The following ZPLD1 variants were observed in gnomAD, a reference collection of about 807,000 sequenced individuals.
ZPLD1 encodes the protein zona pellucida like domain containing 1, also known as zona pellucida-like domain-containing protein 1.
Under a neutral mutation model 47.2 loss-of-function variants are expected in ZPLD1, and 34 were observed. The observed-to-expected ratio is 0.72, with a 90% CI of 0.55 to 0.96. The LOEUF (loss-of-function observed/expected upper bound fraction) is 0.96. Ranked by LOEUF, ZPLD1 falls within the 40% of genes least tolerant of loss-of-function variation. The pLI is 0.00. For missense variants in ZPLD1, 512 were observed against 505.8 expected (o/e 1.01, Z -0.12); for synonymous variants, 176 against 186.2 (o/e 0.95, Z 0.45).
chr3:102,439,196 A>G (rs948210900), intron 3 of ZPLD1, among the ~76,000 whole-genome samples: 3 of 152,232 alleles, frequency 2.0e-5, no homozygotes, highest in Non-Finnish European at 2.9e-5. Flanking sequence ...AGCTAAAGTA[A>G]TGGAACCACA....
chr3:102,432,114 T>A (rs1707022734), upstream of ZPLD1, among the ~76,000 whole-genome samples: 1 of 152,250 alleles, frequency 6.6e-6, no homozygotes, highest in Non-Finnish European at 1.5e-5. Flanking sequence ...CTTTGATCTC[T>A]GTTAAAATAC....
intron 6 of ZPLD1, among the ~76,000 whole-genome samples, chr3:102,391,091 A>G (rs1407857458): frequency 1.3e-5 from 2 of 152,106 alleles, no homozygotes; most frequent in Non-Finnish European, 2.9e-5. Context: ...TTCTTAACTC[A>G]TTTTATACAA....
At chr3:102,461,712 T>C (rs7626999) in intron 6 of ZPLD1, among the ~76,000 whole-genome samples, 23,421 of 151,968 alleles carry the variant, frequency 0.15, 1,847 homozygotes, top group Middle Eastern at 0.18. Flanking sequence ...TGTAGTTTCT[T>C]CTATTCTCCC....
At chr3:102,429,746 A>G (rs577192751) in intron 8 of ZPLD1, among the ~76,000 whole-genome samples, 1 of 152,172 alleles carries the variant, frequency 6.6e-6, no homozygotes, top group Non-Finnish European at 1.5e-5. Flanking sequence ...CTCAGTATCC[A>G]CCACCACCAC....
intron 6 of ZPLD1, among the ~76,000 whole-genome samples, chr3:102,390,300 A>T (rs1223985634): frequency 6.6e-6 from 1 of 152,166 alleles, no homozygotes; most frequent in Non-Finnish European, 1.5e-5. Context: ...CCCCAACCGG[A>T]TTTCTACCCT....
chr3:102,443,912 G>A (rs2107325798), intron 3 of ZPLD1, among the ~76,000 whole-genome samples: 1 of 152,304 alleles, frequency 6.6e-6, no homozygotes, highest in South Asian at 2.1e-4. Flanking sequence ...TCTCCAAGTT[G>A]TCAAGAGGAT....
chr3:102,410,857 T>C (rs548693521), intron 7 of ZPLD1, among the ~76,000 whole-genome samples: 2 of 151,800 alleles, frequency 1.3e-5, no homozygotes, highest in South Asian at 2.1e-4. Flanking sequence ...GGTAGGGAGA[T>C]GGGAATGGTG....
At chr3:102,452,851 G>A (rs1707357987) in intron 3 of ZPLD1, 68 bp from the exon 4 acceptor site, 2 of 1,501,430 alleles carry the variant, frequency 1.3e-6, no homozygotes, top group Admixed American at 1.7e-5. Flanking sequence ...TATATCAGTA[G>A]GATGTTAATG....
At chr3:102,430,425 T>C (rs1412502946), upstream of ZPLD1, among the ~76,000 whole-genome samples, 1 of 152,224 alleles carries the variant, frequency 6.6e-6, no homozygotes, top group African/African-American at 2.4e-5. Flanking sequence ...TGATTATTAA[T>C]TTAATAACTC....
chr3:102,408,264 A>G (rs890092887), intron 7 of ZPLD1, among the ~76,000 whole-genome samples: 1 of 151,796 alleles, frequency 6.6e-6, no homozygotes, highest in African/African-American at 2.4e-5. Flanking sequence ...AGAAAAAGGG[A>G]AAAAATGAAG....
At chr3:102,405,985 A>T (rs1362822961) in intron 7 of ZPLD1, among the ~76,000 whole-genome samples, 1 of 151,972 alleles carries the variant, frequency 6.6e-6, no homozygotes, top group African/African-American at 2.4e-5. Flanking sequence ...TTTTGTTTTT[A>T]TTTAATTATA....
intron 8 of ZPLD1, among the ~76,000 whole-genome samples, chr3:102,467,233 C>T (rs896454089): frequency 6.6e-6 from 1 of 152,062 alleles, no homozygotes; most frequent in Middle Eastern, 3.4e-3. Flanking sequence ...ATAAATAAGA[C>T]TTGTATCAAA....
intron 8 of ZPLD1, among the ~76,000 whole-genome samples, chr3:102,418,726 T>C (rs1038646935): frequency 6.6e-6 from 1 of 152,038 alleles, no homozygotes; most frequent in Non-Finnish European, 1.5e-5. Flanking sequence ...GCTAGATATG[T>C]GTGGCATCAT....
At chr3:102,408,109 T>A (rs575694404) in intron 7 of ZPLD1, among the ~76,000 whole-genome samples, 1 of 151,976 alleles carries the variant, frequency 6.6e-6, no homozygotes, top group Admixed American at 6.6e-5. Flanking sequence ...AAGTCCAGGG[T>A]TGTTATGGTG....
At chr3:102,447,232 AT>A (rs1392409967) in intron 3 of ZPLD1, among the ~76,000 whole-genome samples, 1 of 151,900 alleles carries the variant, frequency 6.6e-6, no homozygotes, top group East Asian at 1.9e-4. Context: ...CACCTGGCTA[AT>A]TTTTGTATTT....
Position 102,435,037 on chromosome 3 carries a change from C to G in ZPLD1, c.-240C>G. The G allele has an allele frequency of 6.6e-7, 1 of 1,515,370 alleles. No individual in the cohort carries two copies. The highest frequency in any genetic ancestry group is 1.7e-4 in the Middle Eastern group (1 of 5,890). 93.9% of individuals were successfully genotyped at this position (1,515,370 alleles called of 1,614,324 possible). A position where few individuals can be genotyped will look rare whatever the true frequency, so the allele number is the denominator to read the frequency against. On this transcript the variant is annotated 5_prime_UTR_variant, in exon 1 of 12. Coordinates refer to ENST00000466937, the MANE Select transcript of ZPLD1 (RefSeq NM_001329788.2). ...ATGTAAAGGGTGTTAACATAATCCC[C>G]CAATCCCATACAATTCAATTTCAGA... is the stretch of plus-strand genomic sequence containing the variant.
chr3:102,415,464 G>A (rs980142225), intron 7 of ZPLD1, among the ~76,000 whole-genome samples: 1 of 151,628 alleles, frequency 6.6e-6, no homozygotes, highest in African/African-American at 2.4e-5. Context: ...CCATTGTAAA[G>A]CAAAAAAAGG....
At chr3:102,429,029 A>G (rs966193019) in intron 8 of ZPLD1, among the ~76,000 whole-genome samples, 10 of 152,128 alleles carry the variant, frequency 6.6e-5, no homozygotes, top group African/African-American at 2.2e-4. Flanking sequence ...TGTCTTCTAA[A>G]CTAACTGAAA....
chr3:102,406,942 C>T (rs1706694172), intron 7 of ZPLD1, among the ~76,000 whole-genome samples: 1 of 151,806 alleles, frequency 6.6e-6, no homozygotes, highest in Admixed American at 6.6e-5. Flanking sequence ...AGCTCAATAT[C>T]AACTTCAACA....
Sources: gnomAD v4.1 joint callset for allele counts (sites outside exome capture counted in the v4.1 genomes callset) on GRCh38, gnomAD v4.1.1 for gene constraint, MANE v1.5 for transcripts, NCBI Gene and HGNC (gene_info 2026-07-23, HGNC 2026-07-21) for gene names.